SETBP1: variants seen among roughly 807,000 people sequenced by gnomAD.
SETBP1 encodes the protein SET-binding protein.
A neutral mutation model predicts 101.0 loss-of-function variants in SETBP1; 9 were observed. The observed-to-expected ratio is 0.09, with a 90% CI of 0.05 to 0.16. SETBP1 has a LOEUF of 0.16. Ranked by LOEUF, SETBP1 falls within the 10% of genes least tolerant of loss-of-function variation. The probability of loss-of-function intolerance (pLI) is 1.00; values close to 1 mark genes in which losing one functional copy is unlikely to be tolerated. For missense variants in SETBP1, 1,858 were observed against 2,033.8 expected (o/e 0.91, Z 1.66); for synonymous variants, 818 against 788.5 (o/e 1.04, Z -0.63).
In SETBP1 at chr18:45,030,648, T is replaced by A. The variant is rs1322956370; in HGVS notation, c.4001-7837T>A. The stretch of plus-strand genomic sequence containing the variant: ...TGTGAATCCATCTGGTCCTGGACTC[T>A]TTTTGGTTGGTAAGCTATTGATTAT... On this transcript the variant is annotated intron_variant, in intron 4 of 5. Transcript: ENST00000649279. Among the ~76,000 whole-genome samples the A allele has an allele frequency of 2.7e-5, 4 of 150,040 alleles. 1 individual carries two copies. Among genetic ancestry groups the A allele is most frequent in the African/African-American group, 1.0e-4 (4 of 39,930 alleles).
chr18:45,040,852 T>C (rs1050533015), intron 5 of SETBP1, among the ~76,000 whole-genome samples: 4 of 152,216 alleles, frequency 2.6e-5, no homozygotes, highest in Non-Finnish European at 5.9e-5. Flanking sequence ...GAGACCCTCA[T>C]GAGAATTTCA....
chr18:44,764,153 C>A (rs1016438529), intron 2 of SETBP1, among the ~76,000 whole-genome samples: 1 of 152,182 alleles, frequency 6.6e-6, no homozygotes, highest in Non-Finnish European at 1.5e-5. Flanking sequence ...CAATGGCCTG[C>A]GGAGTCCTGC....
At chr18:45,017,751 T>C (rs1294562024) in intron 4 of SETBP1, among the ~76,000 whole-genome samples, 1 of 152,244 alleles carries the variant, frequency 6.6e-6, no homozygotes, top group Non-Finnish European at 1.5e-5. Flanking sequence ...CCTCTTGTCT[T>C]CGAATTACTC....
intron 4 of SETBP1, among the ~76,000 whole-genome samples, chr18:44,985,770 G>A (rs962377009): frequency 3.9e-5 from 6 of 152,236 alleles, no homozygotes; most frequent in East Asian, 1.9e-4. Flanking sequence ...CATTTTCACT[G>A]TTCAACCTTT....
chr18:44,762,439 T>C lies in SETBP1; in HGVS notation c.486+60607T>C, dbSNP rs112021161. ...CTAGAGGTATTTGTCCATTCTTTTC[T>C]GTGTCCCAGGTATGGAGGTAGAGGT... On this transcript the variant is annotated intron_variant, in intron 2 of 5. Coordinates refer to ENST00000649279, the MANE Select transcript of SETBP1 (RefSeq NM_015559.3). Among the ~76,000 whole-genome samples the C allele has an allele frequency of 3.9e-3, 592 of 152,368 alleles. 2 individuals are homozygous for C. The highest frequency in any genetic ancestry group is 0.013 in the African/African-American group (552 of 41,596).
chr18:44,907,339 CAT>C (rs1316362124), intron 3 of SETBP1, among the ~76,000 whole-genome samples: 1 of 152,154 alleles, frequency 6.6e-6, no homozygotes, highest in Non-Finnish European at 1.5e-5. Flanking sequence ...TTTGCATGAA[CAT>C]ATGTTTTCAG....
chr18:44,829,410 T>C (rs1462947373), intron 2 of SETBP1, among the ~76,000 whole-genome samples: 1 of 152,230 alleles, frequency 6.6e-6, no homozygotes, highest in Non-Finnish European at 1.5e-5. Context: ...TTATTTAGAC[T>C]TGTAAGTCAG....
chr18:44,902,725 G>A (rs1179481863), intron 3 of SETBP1, among the ~76,000 whole-genome samples: 1 of 152,120 alleles, frequency 6.6e-6, no homozygotes, highest in African/African-American at 2.4e-5. Context: ...TAGCAGGCAA[G>A]AATACTTGAG....
chr18:44,902,372 A>G (rs367942495), intron 3 of SETBP1, among the ~76,000 whole-genome samples: 1 of 151,418 alleles, frequency 6.6e-6, no homozygotes, highest in East Asian at 1.9e-4. Flanking sequence ...ATATTGTTTC[A>G]TGTATGTACC....
At chr18:44,741,402 A>C (rs2144472847) in intron 2 of SETBP1, among the ~76,000 whole-genome samples, 1 of 152,308 alleles carries the variant, frequency 6.6e-6, no homozygotes, top group East Asian at 1.9e-4. Flanking sequence ...CTTCCTCTAG[A>C]AAAATAAAAT....
intron 3 of SETBP1, among the ~76,000 whole-genome samples, chr18:44,943,711 C>G (rs2071136829): frequency 6.6e-6 from 1 of 152,228 alleles, no homozygotes; most frequent in South Asian, 2.1e-4. Context: ...ACACTCAGCT[C>G]CTGCTGAGGT....
At chr18:44,688,126 A>ATG (rs1364290394) in intron 1 of SETBP1, among the ~76,000 whole-genome samples, 2 of 152,208 alleles carry the variant, frequency 1.3e-5, no homozygotes, top group Admixed American at 1.3e-4. Context: ...AGCCACTGAA[A>ATG]TGCTGCAATT....
chr18:45,022,862 A>G (rs967349361), intron 4 of SETBP1, among the ~76,000 whole-genome samples: 1 of 152,190 alleles, frequency 6.6e-6, no homozygotes, highest in African/African-American at 2.4e-5. Context: ...TAAAATTAGC[A>G]TTTACATGTT....
chr18:44,883,239 T>C (rs1022943262), intron 3 of SETBP1, among the ~76,000 whole-genome samples: 2 of 152,226 alleles, frequency 1.3e-5, no homozygotes, highest in African/African-American at 4.8e-5. Context: ...GAGAAAGATG[T>C]TCTGAGATGC....
intron 4 of SETBP1, among the ~76,000 whole-genome samples, chr18:45,026,463 T>C (rs1403487444): frequency 6.6e-6 from 1 of 152,194 alleles, no homozygotes; most frequent in African/African-American, 2.4e-5. Flanking sequence ...ACTAGCTTTC[T>C]TCCACCCTTA....
At chr18:45,041,550 G>A (rs905471405) in intron 5 of SETBP1, among the ~76,000 whole-genome samples, 23 of 150,768 alleles carry the variant, frequency 1.5e-4, no homozygotes, top group African/African-American at 5.1e-4. Context: ...CAATTGCAGG[G>A]AGAAAAAAAA....
intron 2 of SETBP1, among the ~76,000 whole-genome samples, chr18:44,766,236 G>T (rs1308854524): frequency 6.6e-6 from 1 of 152,222 alleles, no homozygotes; most frequent in East Asian, 1.9e-4. Context: ...ACATGGTCCG[G>T]CAGTGGACAA....
chr18:44,913,137 T>C (rs1482009550), intron 3 of SETBP1, among the ~76,000 whole-genome samples: 2 of 152,230 alleles, frequency 1.3e-5, no homozygotes, highest in East Asian at 3.8e-4. Flanking sequence ...ATCCAGCAGA[T>C]TACCAGGGGA....
chr18:45,040,038 G>A (rs2073477941), intron 5 of SETBP1, among the ~76,000 whole-genome samples: 1 of 152,182 alleles, frequency 6.6e-6, no homozygotes, highest in Non-Finnish European at 1.5e-5. Flanking sequence ...GGTTGCAGGA[G>A]GGAGACACCG....
Sources: gnomAD v4.1 joint callset for allele counts (sites outside exome capture counted in the v4.1 genomes callset) on GRCh38, gnomAD v4.1.1 for gene constraint, MANE v1.5 for transcripts, NCBI Gene and HGNC (gene_info 2026-07-23, HGNC 2026-07-21) for gene names.